Variants in DENND5B observed in about 807,000 individuals in gnomAD.
DENND5B encodes the protein DENN domain containing 5B, also known as DENN domain-containing protein 5B.
Under a neutral mutation model 140.6 loss-of-function variants are expected in DENND5B, and 34 were observed. That is an observed-to-expected ratio of 0.24 (90% confidence interval 0.18 to 0.32). The LOEUF is 0.32. DENND5B is among the 10% of genes least tolerant of loss of function. The pLI, the probability that DENND5B is intolerant of heterozygous loss-of-function variation, is 1.00. For synonymous variants in DENND5B, 551 were observed against 562.1 expected (o/e 0.98, Z 0.28); for missense variants, 1,142 against 1,560.2 (o/e 0.73, Z 4.52).
intron 1 of DENND5B, among the ~76,000 whole-genome samples, chr12:31,574,873 A>G (rs1336264912): frequency 6.6e-6 from 1 of 152,236 alleles, no homozygotes; most frequent in Non-Finnish European, 1.5e-5. Flanking sequence ...TAGAGCTGCC[A>G]GTGAAAAAAT....
chr12:31,412,818 G>A (rs532986630), intron 13 of DENND5B, among the ~76,000 whole-genome samples: 1 of 152,182 alleles, frequency 6.6e-6, no homozygotes, highest in South Asian at 2.1e-4. Context: ...ACAATATAAG[G>A]TTTATACAAA....
In DENND5B at chr12:31,387,200, A is replaced by G. The variant is rs1023110287; in HGVS notation, c.*403T>C. The stretch of plus-strand genomic sequence containing the variant: ...CTGGGTTTCTTTGTGATACCTGGAG[A>G]AAAAAAAAAGCCCGACTGGGTTGCA... On this transcript the variant is annotated 3_prime_UTR_variant, in exon 21 of 21. Transcript: ENST00000389082. 8 of 152,026 alleles carry G rather than the reference A, an allele frequency of 5.3e-5. No homozygotes were observed. Among genetic ancestry groups the G allele is most frequent in the Admixed American group, 1.3e-4 (2 of 15,298 alleles). The allele number at this position is 152,026 out of a possible 1,614,324, so 9.4% of individuals were successfully genotyped here.
chr12:31,562,032 C>T (rs552429061), intron 1 of DENND5B, among the ~76,000 whole-genome samples: 1 of 152,266 alleles, frequency 6.6e-6, no homozygotes, highest in African/African-American at 2.4e-5. Flanking sequence ...CCCATATACC[C>T]CAGACTCTGT....
In DENND5B at chr12:31,483,401, T is replaced by A. The variant is rs558183284; in HGVS notation, c.238-3146A>T. On this transcript the variant is annotated intron_variant, in intron 2 of 20. Coordinates refer to ENST00000389082, the MANE Select transcript of DENND5B (RefSeq NM_144973.4). ...CATTGTTGGAATTTGCCATTTGACA[T>A]TGGAATACACTTTTTAAATAAATGT... 3.7e-4 allele frequency among the ~76,000 whole-genome samples: 56 copies of A among 152,302 alleles called. No individual in the cohort carries two copies. The Middle Eastern group carries it at 0.014, about 37-fold the overall frequency.
chr12:31,495,696 C>T, intron 2 of DENND5B, 114 bp downstream of exon 2: 1 of 890,136 alleles, frequency 1.1e-6, no homozygotes. Context: ...TATAAAATCA[C>T]TTAAAGAATA....
At chr12:31,482,056 AG>A (rs2138572490) in intron 2 of DENND5B, among the ~76,000 whole-genome samples, 1 of 152,302 alleles carries the variant, frequency 6.6e-6, no homozygotes, top group Non-Finnish European at 1.5e-5. Flanking sequence ...ATGGTGGGAT[AG>A]GATTAATGCA....
intron 2 of DENND5B, among the ~76,000 whole-genome samples, chr12:31,494,173 TATCTATCTATCCATCCATCC>T (rs1182787678): frequency 9.8e-4 from 90 of 92,130 alleles, no homozygotes; most frequent in African/African-American, 3.8e-3. Flanking sequence ...TCTATCTATC[TATCTATCTATCCATCCATCC>T]ATCCATCCAC....
At chr12:31,431,910 G>C (rs1225372509) in intron 8 of DENND5B, 2 of 238,060 alleles carry the variant, frequency 8.4e-6, no homozygotes, top group African/African-American at 2.3e-5. Context: ...AAAATGGGGA[G>C]TGTGAGTTCA....
chr12:31,532,373 G>A (rs1948317412), intron 1 of DENND5B, among the ~76,000 whole-genome samples: 1 of 152,130 alleles, frequency 6.6e-6, no homozygotes, highest in African/African-American at 2.4e-5. Context: ...ACAAGAGGGT[G>A]GGCAGGGCTT....
intron 2 of DENND5B, among the ~76,000 whole-genome samples, chr12:31,493,213 G>C (rs1946602264): frequency 6.6e-6 from 1 of 152,162 alleles, no homozygotes; most frequent in South Asian, 2.1e-4. Flanking sequence ...TTTAATTTCT[G>C]AGTCTTACTG....
rs747836538 is a variant in DENND5B, at chr12:31,452,075, G to A, written c.1494C>T (p.Leu498=). The change falls in exon 5 of 21, where the codon CTC becomes CTT. Residue 498 remains leucine, a synonymous_variant. Transcript: ENST00000389082. ...CAAAGACCTCTCGGAGCTGTACATT[G>A]AGCTGGTAGTCCCTTAGTTCTGCCT... The part of the protein sequence containing the change: ...CEEAELRDYQ[L]NVQLREVFAN... The A allele has an allele frequency of 1.9e-6, 3 of 1,613,858 alleles. No individual in the cohort carries two copies. The highest frequency in any genetic ancestry group is 2.7e-5 in the African/African-American group (2 of 74,912).
chr12:31,467,907 C>CAG (rs138413551), intron 3 of DENND5B, among the ~76,000 whole-genome samples: 1 of 151,652 alleles, frequency 6.6e-6, no homozygotes, highest in South Asian at 2.1e-4. Flanking sequence ...ACATCAAAAA[C>CAG]AGAGAGAGAG....
At chr12:31,403,364 A>T (rs2137429484) in intron 14 of DENND5B, among the ~76,000 whole-genome samples, 1 of 150,230 alleles carries the variant, frequency 6.7e-6, no homozygotes, top group Middle Eastern at 3.4e-3. Flanking sequence ...GTTAGATGTT[A>T]TGCATGTCCT....
intron 1 of DENND5B, among the ~76,000 whole-genome samples, chr12:31,505,154 G>A (rs939778126): frequency 2.6e-5 from 4 of 151,618 alleles, no homozygotes; most frequent in East Asian, 1.9e-4. Flanking sequence ...TGACTATATC[G>A]TACCTTCTAT....
chr12:31,535,038 C>T (rs1475829154), intron 1 of DENND5B: 1 of 212,802 alleles, frequency 4.7e-6, no homozygotes, highest in Non-Finnish European at 8.4e-6. Flanking sequence ...TGCACCACTG[C>T]ACCCAAGCCT....
intron 7 of DENND5B, among the ~76,000 whole-genome samples, chr12:31,438,867 T>C (rs1440732745): frequency 6.6e-6 from 1 of 152,164 alleles, no homozygotes; most frequent in Non-Finnish European, 1.5e-5. Context: ...AACGGACTTA[T>C]ATAATAAACG....
intron 1 of DENND5B, chr12:31,499,532 A>G: frequency 4.0e-6 from 5 of 1,250,534 alleles, no homozygotes; most frequent in Non-Finnish European, 5.2e-6. Context: ...ATAAAGAAAC[A>G]TTTATAATGG....
At chr12:31,501,322 C>T (rs1270588398) in intron 1 of DENND5B, among the ~76,000 whole-genome samples, 1 of 152,192 alleles carries the variant, frequency 6.6e-6, no homozygotes, top group African/African-American at 2.4e-5. Context: ...GTTTACTTCC[C>T]CTTCCGCCAC....
intron 3 of DENND5B, among the ~76,000 whole-genome samples, chr12:31,463,820 C>A (rs534163080): frequency 6.6e-6 from 1 of 152,172 alleles, no homozygotes; most frequent in African/African-American, 2.4e-5. Context: ...CACACGCCAC[C>A]ACACCTGGCT....
Sources: gnomAD v4.1 joint callset for allele counts (sites outside exome capture counted in the v4.1 genomes callset) on GRCh38, gnomAD v4.1.1 for gene constraint, MANE v1.5 for transcripts, NCBI Gene and HGNC (gene_info 2026-07-23, HGNC 2026-07-21) for gene names.